Variants in PSD3 observed in about 807,000 individuals in gnomAD.
The protein encoded by PSD3 is PH and SEC7 domain-containing protein 3.
Under a neutral mutation model 105.5 loss-of-function variants are expected in PSD3, and 49 were observed. The observed-to-expected ratio is 0.46, with a 90% confidence interval of 0.37 to 0.59. The LOEUF (loss-of-function observed/expected upper bound fraction) is 0.59. PSD3 is among the 20% of genes least tolerant of loss of function. PSD3 has a pLI of 0.00. For synonymous variants in PSD3, 557 were observed against 457.8 expected, an observed-to-expected ratio of 1.22 and a Z score of -2.77; for missense variants, 1,561 against 1,263.8, an observed-to-expected ratio of 1.24 and a Z score of -3.57.
chr8:18,877,822 T>G (rs1346548362), intron 2 of PSD3, among the ~76,000 whole-genome samples: 3 of 152,218 alleles, frequency 2.0e-5, no homozygotes, highest in African/African-American at 7.2e-5. Flanking sequence ...ATTACAGGCA[T>G]GTAGCACCAC....
At chr8:18,778,409 A>C (rs1808295919) in intron 8 of PSD3, among the ~76,000 whole-genome samples, 2 of 152,146 alleles carry the variant, frequency 1.3e-5, no homozygotes, top group African/African-American at 4.8e-5. Context: ...TGTTATCTGA[A>C]GAAAGGACAA....
intron 1 of PSD3, among the ~76,000 whole-genome samples, chr8:18,947,048 A>G (rs1822908268): frequency 6.6e-6 from 1 of 152,148 alleles, no homozygotes; most frequent in East Asian, 1.9e-4. Flanking sequence ...GGGATGGCTC[A>G]CGTATGCCCT....
At chr8:18,857,886 G>GAAT (rs1816142952) in intron 4 of PSD3, among the ~76,000 whole-genome samples, 2 of 152,136 alleles carry the variant, frequency 1.3e-5, no homozygotes, top group Non-Finnish European at 2.9e-5. Context: ...GAGACCAGTA[G>GAAT]AATACCTGCA....
intron 1 of PSD3, among the ~76,000 whole-genome samples, chr8:18,947,347 C>A (rs1018327304): frequency 5.9e-5 from 9 of 152,242 alleles, no homozygotes; most frequent in African/African-American, 2.2e-4. Context: ...TCATGCAGCC[C>A]CGCTGCCAGC....
intron 2 of PSD3, among the ~76,000 whole-genome samples, chr8:18,895,925 A>G (rs768592046): frequency 1.3e-5 from 2 of 152,198 alleles, no homozygotes; most frequent in Non-Finnish European, 2.9e-5. Flanking sequence ...GTACCTTTGT[A>G]TCCTGTATCC....
chr8:18,566,834 C>A (rs75236603), intron 14 of PSD3, among the ~76,000 whole-genome samples: 11,845 of 152,152 alleles, frequency 0.078, 1,078 homozygotes, highest in African/African-American at 0.21. Context: ...TGAAGGAAAA[C>A]ATTTTTAAAA....
In PSD3 at chr8:18,753,284, G is replaced by A. The variant is rs868775217; in HGVS notation, c.2172+12165C>T. 2.6e-5 allele frequency among the ~76,000 whole-genome samples: 4 copies of A among 151,806 alleles called. No homozygotes were observed. The Middle Eastern group carries it at 0.01, about 395-fold the overall frequency. ...CAGGAGAATCACTCGAACCCAGGAG[G>A]TGGAAGTTGCAGTGAGCCGAGATCA... is the stretch of plus-strand genomic sequence containing the variant. On this transcript the variant is annotated intron_variant, in intron 9 of 15. Transcript: ENST00000327040.
intron 1 of PSD3, among the ~76,000 whole-genome samples, chr8:18,958,288 C>T (rs67892585): frequency 0.41 from 61,503 of 151,700 alleles, 12,639 homozygotes; most frequent in African/African-American, 0.43. Flanking sequence ...ACACAGGCTA[C>T]CCTCTGTTAA....
chr8:18,745,626 C>G (rs1163979318), intron 9 of PSD3, among the ~76,000 whole-genome samples: 1 of 152,170 alleles, frequency 6.6e-6, no homozygotes. Context: ...TACTGGTGAA[C>G]AGTATTTAGA....
At chr8:18,684,250 A>ACCC (rs1554470535) in intron 9 of PSD3, 1 of 170,408 alleles carries the variant, frequency 5.9e-6, no homozygotes, top group Non-Finnish European at 1.2e-5. Context: ...ACACACACAC[A>ACCC]CCCCATCATA....
intron 8 of PSD3, among the ~76,000 whole-genome samples, chr8:18,798,414 C>G (rs1810380262): frequency 6.6e-6 from 1 of 152,102 alleles, no homozygotes; most frequent in Admixed American, 6.6e-5. Flanking sequence ...GAACCCCTTC[C>G]TCTTATAACA....
chr8:18,726,532 T>C (rs962966930), intron 9 of PSD3, among the ~76,000 whole-genome samples: 1 of 152,232 alleles, frequency 6.6e-6, no homozygotes. Flanking sequence ...GATTATCTGC[T>C]ACCTAGAACT....
intron 4 of PSD3, among the ~76,000 whole-genome samples, chr8:18,813,164 T>A (rs966136305): frequency 2.0e-5 from 3 of 152,128 alleles, no homozygotes; most frequent in Non-Finnish European, 1.5e-5. Flanking sequence ...TGCATGGAGC[T>A]ATGTTCAAGG....
chr8:18,684,750 GT>G (rs1372527420), intron 9 of PSD3, among the ~76,000 whole-genome samples: 8 of 152,130 alleles, frequency 5.3e-5, no homozygotes, highest in Admixed American at 5.2e-4. Context: ...TGACTGGGGG[GT>G]TAGCACAGGT....
intron 11 of PSD3, among the ~76,000 whole-genome samples, chr8:18,614,799 T>C (rs1805535197): frequency 1.0e-5 from 1 of 96,434 alleles, no homozygotes. Flanking sequence ...TGGCTAATTT[T>C]TTTTTTGTTT....
chr8:18,943,688 G>A (rs1822694205), intron 1 of PSD3, among the ~76,000 whole-genome samples: 1 of 152,114 alleles, frequency 6.6e-6, no homozygotes. Flanking sequence ...TACACTGGGA[G>A]ACAGCCCCTC....
At chr8:18,804,450 A>C (rs1314353887) in intron 6 of PSD3, 72 bp downstream of exon 6, 1 of 1,307,274 alleles carries the variant, frequency 7.6e-7, no homozygotes, top group African/African-American at 1.5e-5. Context: ...TTCTAGCTAG[A>C]AGACATTACT....
chr8:18,793,747 G>A (rs1238019013), intron 8 of PSD3, among the ~76,000 whole-genome samples: 2 of 152,214 alleles, frequency 1.3e-5, no homozygotes, highest in Non-Finnish European at 2.9e-5. Context: ...AGCACAGACA[G>A]AAGAGGTATC....
chr8:18,982,955 C>A (rs1825315294), intron 1 of PSD3, among the ~76,000 whole-genome samples: 1 of 152,212 alleles, frequency 6.6e-6, no homozygotes. Flanking sequence ...CAGGCATTGA[C>A]TTCTCTGTAG....
Sources: gnomAD v4.1 joint callset for allele counts (sites outside exome capture counted in the v4.1 genomes callset) on GRCh38, gnomAD v4.1.1 for gene constraint, MANE v1.5 for transcripts, NCBI Gene and HGNC (gene_info 2026-07-23, HGNC 2026-07-21) for gene names.